The following ADGRB1 variants were observed in gnomAD, a reference collection of about 807,000 sequenced individuals.
ADGRB1 encodes the protein adhesion G protein-coupled receptor B1.
In ADGRB1, 36 loss-of-function variants were observed where a neutral mutation model predicts 175.7. The observed-to-expected ratio is 0.20, with a 90% CI of 0.16 to 0.27. The LOEUF (loss-of-function observed/expected upper bound fraction) is 0.27, where lower values mean the gene tolerates loss of function less well. ADGRB1 is among the 10% of genes least tolerant of loss of function. The pLI, the probability that ADGRB1 is intolerant of heterozygous loss-of-function variation, is 1.00. For missense variants in ADGRB1, 1,731 were observed against 2,255.3 expected, an observed-to-expected ratio of 0.77 and a Z score of 4.71; for synonymous variants, 1,054 against 979.4, an observed-to-expected ratio of 1.08 and a Z score of -1.42.
intron 17 of ADGRB1, among the ~76,000 whole-genome samples, chr8:142,502,416 G>A (rs1475491629): frequency 2.6e-5 from 2 of 76,566 alleles, no homozygotes; most frequent in Non-Finnish European, 2.8e-5. Flanking sequence ...TGGTGGTGGT[G>A]GTGATGGTGG....
chr8:142,496,727 G>T (rs1842233574), intron 17 of ADGRB1, among the ~76,000 whole-genome samples: 1 of 152,182 alleles, frequency 6.6e-6, no homozygotes, highest in Non-Finnish European at 1.5e-5. Flanking sequence ...CCAGAGCGGG[G>T]ATGTTAGTAC....
intron 18 of ADGRB1, among the ~76,000 whole-genome samples, chr8:142,516,946 CTT>C (rs1843483801): frequency 6.6e-6 from 1 of 152,208 alleles, no homozygotes; most frequent in Non-Finnish European, 1.5e-5. Context: ...CCCTGTCTGT[CTT>C]CAGGCCTGGC....
At chr8:142,453,043 C>G (rs1008125326) in intron 1 of ADGRB1, among the ~76,000 whole-genome samples, 1 of 52,746 alleles carries the variant, frequency 1.9e-5, no homozygotes, top group Non-Finnish European at 3.0e-5. Flanking sequence ...CCCGCCCGCC[C>G]GCTCGCTCGC....
At chr8:142,529,954 G>A (rs1844512956) in intron 24 of ADGRB1, among the ~76,000 whole-genome samples, 1 of 151,512 alleles carries the variant, frequency 6.6e-6, no homozygotes, top group African/African-American at 2.4e-5. Context: ...CTGTGTGAGT[G>A]CAACCCAGTG....
In ADGRB1 at chr8:142,505,401, G is replaced by A. The variant is rs370944387; in HGVS notation, c.2676-5531G>A. 1.4e-4 allele frequency among the ~76,000 whole-genome samples: 21 copies of A among 152,338 alleles called. No individual in the cohort carries two copies. In the East Asian group the frequency reaches 4.1e-3, roughly 29 times the overall value. On this transcript the variant is annotated intron_variant, in intron 17 of 30. Transcript: ENST00000517894. ...CTGTGGGGGCTGCCCGAGCAGGGCT[G>A]GGCCCAGGTCCTTCCCCATAGCCAG...
Position 142,479,762 on chromosome 8 carries a change from T to G in ADGRB1, c.1796T>G (p.Val599Gly), listed in dbSNP as rs760642896. The G allele has an allele frequency of 6.2e-7, 1 of 1,613,160 alleles. No individual in the cohort carries two copies. Among genetic ancestry groups the G allele is most frequent in the African/African-American group, 1.3e-5 (1 of 74,802 alleles). The part of the protein sequence containing the change: ...VIWKETPAGE[V>G]AAVRCPRNAT... ...TGGAAGGAGACCCCAGCGGGAGAGGTGGCTGCTGTCCGGTGTCCCCGCAAC... is the reference window on the plus strand; with the variant it reads ...TGGAAGGAGACCCCAGCGGGAGAGGGGGCTGCTGTCCGGTGTCCCCGCAAC... The change falls in exon 9 of 31, where the codon GTG (valine) becomes GGG (glycine). Residue 599 changes from valine to glycine, a missense_variant. Around this residue, in one of 8 missense-constraint regions of ADGRB1, gnomAD observed 388 missense variants for 630.9 expected, o/e 0.61. Coordinates refer to ENST00000517894, the MANE Select transcript of ADGRB1 (RefSeq NM_001702.3).
At chr8:142,534,610 G>A (rs1313546303) in intron 25 of ADGRB1, among the ~76,000 whole-genome samples, 1 of 152,166 alleles carries the variant, frequency 6.6e-6, no homozygotes, top group Non-Finnish European at 1.5e-5. Context: ...GCAGCGAAAC[G>A]GCTCCTGTAC....
chr8:142,496,443 G>C (rs1431288138), intron 17 of ADGRB1, among the ~76,000 whole-genome samples: 1 of 152,104 alleles, frequency 6.6e-6, no homozygotes, highest in Non-Finnish European at 1.5e-5. Context: ...TACATGAGTG[G>C]ATGAGTGAAT....
intron 23 of ADGRB1, 115 bp from the exon 24 acceptor site, chr8:142,526,427 C>T: frequency 1.1e-6 from 1 of 940,450 alleles, no homozygotes; most frequent in South Asian, 1.4e-5. Flanking sequence ...CGGGAGGTGA[C>T]CCTGGGTGGG....
At chr8:142,521,038 G>T in intron 20 of ADGRB1, 113 bp downstream of exon 20, 2 of 1,026,336 alleles carry the variant, frequency 1.9e-6, no homozygotes, top group Non-Finnish European at 2.8e-6. Flanking sequence ...AGGCGGGTGT[G>T]GGGGCAGGAG....
chr8:142,543,254 C>G lies in ADGRB1; in HGVS notation c.4414-149C>G. 2 of 1,044,078 alleles carry G rather than the reference C, an allele frequency of 1.9e-6. No homozygotes were observed. Among genetic ancestry groups the G allele is most frequent in the Non-Finnish European group, 2.8e-6 (2 of 708,852 alleles). 64.7% of individuals were successfully genotyped at this position (1,044,078 alleles called of 1,614,324 possible). On this transcript the variant is annotated intron_variant, in intron 28 of 30. Transcript: ENST00000517894. This position sits in a 1 kb window ranked among gnomAD's most constrained non-coding sequence, Gnocchi z 4.4. ...CATAGCTGGAGGAGCTGCCTCAGTG[C>G]GCCCCCAGGCATGTCCCCTGGGTCT...
At chr8:142,470,025 C>T (rs944685871) in intron 2 of ADGRB1, among the ~76,000 whole-genome samples, 1 of 152,206 alleles carries the variant, frequency 6.6e-6, no homozygotes, top group African/African-American at 2.4e-5. Flanking sequence ...GCAGGCAGCC[C>T]AGGCCAGCCC....
rs779186938 is a variant in ADGRB1, at chr8:142,541,936, T to C, written c.3707-5T>C. On this transcript the variant is annotated splice_region_variant and splice_polypyrimidine_tract_variant and intron_variant, in intron 27 of 30. Transcript: ENST00000517894. ...TCCCCGCTGTCTCCCCCGCGGCCCC[T>C]GCAGTGCTGAACAAGGACATCGCGG... 11 of 1,543,284 alleles carry C rather than the reference T, an allele frequency of 7.1e-6. No individual in the cohort carries two copies. In the South Asian group the frequency reaches 1.2e-4, roughly 17 times the overall value.
chr8:142,450,868 C>A (rs1271869330), intron 1 of ADGRB1, among the ~76,000 whole-genome samples: 1 of 152,202 alleles, frequency 6.6e-6, no homozygotes, highest in Admixed American at 6.5e-5. Flanking sequence ...GGACAGGCCG[C>A]GCGGATAAGC....
At chr8:142,522,733 TG>T in intron 22 of ADGRB1, 23 bp downstream of exon 22, 1 of 1,480,242 alleles carries the variant, frequency 6.8e-7, no homozygotes, top group Non-Finnish European at 8.9e-7. Flanking sequence ...ATTGGGGGTG[TG>T]GTGGATGGCC....
chr8:142,526,635 C>T lies in ADGRB1; in HGVS notation c.3398+8C>T, dbSNP rs776484706. 1.4e-5 allele frequency: 23 copies of T among 1,607,494 alleles called. No homozygotes were observed. Among genetic ancestry groups the T allele is most frequent in the Middle Eastern group, 1.6e-4 (1 of 6,070 alleles). On this transcript the variant is annotated splice_region_variant and intron_variant, in intron 24 of 30. Coordinates refer to ENST00000517894, the MANE Select transcript of ADGRB1 (RefSeq NM_001702.3). Reference sequence around the variant, plus strand: ...GCTGAAGGAGCGGGCAGGGTAGGACCGGGGCTACGCGGCTCCTTGCCCACC... The same window carrying T: ...GCTGAAGGAGCGGGCAGGGTAGGACTGGGGCTACGCGGCTCCTTGCCCACC...
At chr8:142,467,000 G>A (rs1840315237) in intron 2 of ADGRB1, among the ~76,000 whole-genome samples, 1 of 152,270 alleles carries the variant, frequency 6.6e-6, no homozygotes, top group Non-Finnish European at 1.5e-5. Flanking sequence ...TCAGGGGGCA[G>A]CAGCTCTGCC....
At chr8:142,526,730 C>A in intron 24 of ADGRB1, 103 bp downstream of exon 24, 1 of 1,184,022 alleles carries the variant, frequency 8.4e-7, no homozygotes, top group Non-Finnish European at 1.2e-6. Flanking sequence ...TCTGAGACTG[C>A]AGGTCCAGGG....
Position 142,542,317 on chromosome 8 carries a change from G to A in ADGRB1, c.4083G>A (p.Glu1361=), listed in dbSNP as rs780992262. 1.6e-5 allele frequency: 25 copies of A among 1,612,760 alleles called. No homozygotes were observed. The African/African-American group carries it at 2.9e-4, about 19-fold the overall frequency. The part of the protein sequence containing the change: ...ATATLRPKPK[E]EPKYSIHIDQ... ...CCACGCTGCGGCCCAAGCCCAAGGA[G>A]GAGCCCAAGTACAGCATCCACATTG... Residue 1361 remains glutamate, a synonymous_variant, in exon 28 of 31, where the codon GAG becomes GAA. Coordinates refer to ENST00000517894, the MANE Select transcript of ADGRB1 (RefSeq NM_001702.3). This position sits in a 1 kb window ranked among gnomAD's most constrained non-coding sequence, Gnocchi z 6.3.
Sources: gnomAD v4.1 joint callset for allele counts (sites outside exome capture counted in the v4.1 genomes callset) on GRCh38, gnomAD v4.1.1 for gene constraint, gnomAD v4.1.1 regional missense constraint, Gnocchi (gnomAD v3.1) non-coding constraint, MANE v1.5 for transcripts, NCBI Gene and HGNC (gene_info 2026-07-23, HGNC 2026-07-21) for gene names.